Variants in FAM184B observed in about 807,000 individuals in gnomAD.
FAM184B encodes the protein protein FAM184B.
A neutral mutation model predicts 135.9 loss-of-function variants in FAM184B; 111 were observed. That is an observed-to-expected ratio of 0.82 (90% CI 0.70 to 0.96). The LOEUF (loss-of-function observed/expected upper bound fraction) is 0.96. FAM184B is among the 40% of genes least tolerant of loss of function. FAM184B has a pLI of 0.00. For synonymous variants in FAM184B, 552 were observed against 524.8 expected (o/e 1.05, Z -0.71); for missense variants, 1,375 against 1,323.9 (o/e 1.04, Z -0.60).
chr4:17,709,480 C>T lies in FAM184B; in HGVS notation c.306G>A (p.Gln102=). Residue 102 remains glutamine, a synonymous_variant, in exon 2 of 18, where the codon CAG becomes CAA. Transcript: ENST00000265018. ...AEEEALLQRI[Q]ALESALELQK... The stretch of plus-strand genomic sequence containing the variant: ...GCAGCTCCAGGGCGCTCTCCAGGGC[C>T]TGGATGCGCTGTAGAAGGGCTTCCT... The T allele has an allele frequency of 6.5e-7, 1 of 1,546,638 alleles. No homozygotes were observed.
intron 1 of FAM184B, among the ~76,000 whole-genome samples, chr4:17,729,928 G>A (rs541969401): frequency 3.3e-5 from 5 of 152,334 alleles, no homozygotes; most frequent in South Asian, 4.1e-4. Flanking sequence ...TGACTTTGAC[G>A]AGCTGAGAGA....
chr4:17,720,033 C>T (rs771529501), intron 1 of FAM184B, among the ~76,000 whole-genome samples: 4 of 152,206 alleles, frequency 2.6e-5, no homozygotes, highest in African/African-American at 9.7e-5. Context: ...GTTACATCCT[C>T]CTCAACTCCC....
rs912458650 is a variant in FAM184B, at chr4:17,745,547, G to A, written c.141+35612C>T. Among the ~76,000 whole-genome samples, 11 of 152,256 alleles carry A rather than the reference G, an allele frequency of 7.2e-5. 1 individual carries two copies. Among genetic ancestry groups the A allele is most frequent in the Non-Finnish European group, 5.9e-5 (4 of 68,030 alleles). On this transcript the variant is annotated intron_variant, in intron 1 of 17. Coordinates refer to ENST00000265018, the MANE Select transcript of FAM184B (RefSeq NM_015688.2). ...GCCAAGACCCTTTCATGGCTGTATC[G>A]CAGTCTGAGGGTTCTCCTATCCACC...
At chr4:17,711,757 A>G (rs1717276612) in intron 1 of FAM184B, among the ~76,000 whole-genome samples, 1 of 152,200 alleles carries the variant, frequency 6.6e-6, no homozygotes, top group African/African-American at 2.4e-5. Context: ...ATTGGTTTCA[A>G]GAGCCGTGAG....
At chr4:17,720,900 A>G (rs1016872525) in intron 1 of FAM184B, among the ~76,000 whole-genome samples, 6 of 151,000 alleles carry the variant, frequency 4.0e-5, no homozygotes, top group Non-Finnish European at 5.9e-5. Flanking sequence ...AAAAAAAAAA[A>G]AAGAAAGAAA....
chr4:17,746,705 C>T (rs1396248535), intron 1 of FAM184B, among the ~76,000 whole-genome samples: 2 of 148,388 alleles, frequency 1.3e-5, no homozygotes, highest in Admixed American at 1.4e-4. Flanking sequence ...GCACTGCAGC[C>T]TAGGCGACAG....
intron 13 of FAM184B, among the ~76,000 whole-genome samples, chr4:17,640,581 A>T (rs1442121499): frequency 2.2e-5 from 2 of 90,466 alleles, no homozygotes; most frequent in Admixed American, 2.6e-4. Flanking sequence ...GACAAATATT[A>T]AAAAAAAGGA....
intron 1 of FAM184B, among the ~76,000 whole-genome samples, chr4:17,771,953 C>T (rs1458237794): frequency 1.3e-5 from 2 of 152,136 alleles, no homozygotes; most frequent in African/African-American, 4.8e-5. Context: ...AAATTTTCCC[C>T]CAACTAAAGA....
chr4:17,691,922 A>G (rs1389512851), intron 6 of FAM184B, among the ~76,000 whole-genome samples: 2 of 151,878 alleles, frequency 1.3e-5, no homozygotes, highest in Admixed American at 1.3e-4. Flanking sequence ...GCGTGGTGGC[A>G]GGCACCTGTA....
intron 7 of FAM184B, among the ~76,000 whole-genome samples, chr4:17,676,298 A>T (rs1490994251): frequency 1.3e-5 from 2 of 152,216 alleles, no homozygotes; most frequent in Non-Finnish European, 2.9e-5. Flanking sequence ...ACACAACCAG[A>T]ACACATACAA....
At chr4:17,780,504 T>A (rs957838305) in intron 1 of FAM184B, among the ~76,000 whole-genome samples, 1 of 152,048 alleles carries the variant, frequency 6.6e-6, no homozygotes, top group Non-Finnish European at 1.5e-5. Flanking sequence ...TTGCTGGTCT[T>A]CTTGAAAAAG....
chr4:17,690,740 T>G (rs1474620140), intron 6 of FAM184B, among the ~76,000 whole-genome samples: 2 of 152,134 alleles, frequency 1.3e-5, no homozygotes, highest in Admixed American at 1.3e-4. Context: ...CATCTACAAG[T>G]GGGGAAAGAG....
At chr4:17,649,829 T>A (rs1425931134) in intron 11 of FAM184B, among the ~76,000 whole-genome samples, 1 of 149,954 alleles carries the variant, frequency 6.7e-6, no homozygotes, top group Non-Finnish European at 1.5e-5. Flanking sequence ...TCTATCCACC[T>A]GTCCATCCAT....
At chr4:17,676,256 G>A (rs1194660447) in intron 7 of FAM184B, among the ~76,000 whole-genome samples, 1 of 152,186 alleles carries the variant, frequency 6.6e-6, no homozygotes, top group Non-Finnish European at 1.5e-5. Context: ...TCCAAGGATA[G>A]AGAGGGAAAG....
At chr4:17,671,124 T>C (rs1338882467) in intron 7 of FAM184B, among the ~76,000 whole-genome samples, 1 of 152,090 alleles carries the variant, frequency 6.6e-6, no homozygotes, top group Non-Finnish European at 1.5e-5. Context: ...CCCAGGAGAA[T>C]GCAAAACCAG....
chr4:17,781,310 C>G lies in FAM184B; in HGVS notation c.-11G>C, dbSNP rs1560200423. 1 of 1,523,938 alleles carries G rather than the reference C, an allele frequency of 6.6e-7. No individual in the cohort carries two copies. Among genetic ancestry groups the G allele is most frequent in the Non-Finnish European group, 8.9e-7 (1 of 1,129,314 alleles). The allele number at this position is 1,523,938 out of a possible 1,614,324, so 94.4% of individuals were successfully genotyped here. A position where few individuals can be genotyped will look rare whatever the true frequency, so the allele number is the denominator to read the frequency against. Reference sequence around the variant, plus strand: ...GAGAGCAGAAGCCATCGCTAAAACGCGCCCAGCACTCAGACTCTCTCGTTT... The same window carrying G: ...GAGAGCAGAAGCCATCGCTAAAACGGGCCCAGCACTCAGACTCTCTCGTTT... On this transcript the variant is annotated 5_prime_UTR_variant, in exon 1 of 18. Transcript: ENST00000265018. This position sits in a 1 kb window ranked among gnomAD's most constrained non-coding sequence, Gnocchi z 6.5.
intron 1 of FAM184B, among the ~76,000 whole-genome samples, chr4:17,775,931 C>T (rs1718915423): frequency 6.6e-6 from 1 of 152,104 alleles, no homozygotes; most frequent in Admixed American, 6.6e-5. Flanking sequence ...CACTAAAAGT[C>T]CAGACTTCAC....
chr4:17,632,575 C>G lies in FAM184B; in HGVS notation c.3140G>C (p.Gly1047Ala). The G allele has an allele frequency of 6.4e-7, 1 of 1,551,438 alleles. No homozygotes were observed. The highest frequency in any genetic ancestry group is 1.2e-5 in the South Asian group (1 of 84,054). Reference sequence around the variant, plus strand: ...GGTGAACCATTCCTGGTGCGGAGAGCCCTGTTTCTGCTGGACTTCTTTGGC... The same window carrying G: ...GGTGAACCATTCCTGGTGCGGAGAGGCCTGTTTCTGCTGGACTTCTTTGGC... ...AQAKEVQQKQ[G>A]SPHQEWFTKY... Residue 1047 changes from glycine to alanine, a missense_variant, in exon 18 of 18, where the codon GGC (glycine) becomes GCC (alanine). Gly to Ala is a moderately conservative substitution (Grantham distance 60, BLOSUM62 0). Transcript: ENST00000265018.
At chr4:17,764,771 A>C (rs966307197) in intron 1 of FAM184B, among the ~76,000 whole-genome samples, 1 of 152,232 alleles carries the variant, frequency 6.6e-6, no homozygotes, top group Non-Finnish European at 1.5e-5. Flanking sequence ...TTGCATTAAA[A>C]TGCAAATTCT....
Sources: allele counts gnomAD v4.1 joint callset (sites outside exome capture counted in the v4.1 genomes callset), GRCh38; gene constraint gnomAD v4.1.1; non-coding constraint Gnocchi (gnomAD v3.1); transcripts MANE v1.5; gene names NCBI Gene and HGNC (gene_info 2026-07-23, HGNC 2026-07-21).